KCTD8: variants seen among roughly 807,000 people sequenced by gnomAD.
KCTD8 encodes BTB/POZ domain-containing protein KCTD8.
Under a neutral mutation model 31.5 loss-of-function variants are expected in KCTD8, and 27 were observed. The ratio of observed to expected loss-of-function variants is 0.86; its 90% CI spans 0.63 to 1.18. The LOEUF is 1.18. Among genes scored for constraint, KCTD8 ranks in the 50% most tolerant of loss-of-function variants. The pLI, the probability that KCTD8 is intolerant of heterozygous loss-of-function variation, is 0.00. For missense variants in KCTD8, 658 were observed against 647.7 expected, an observed-to-expected ratio of 1.02 and a Z score of -0.17; for synonymous variants, 290 against 280.0, an observed-to-expected ratio of 1.04 and a Z score of -0.36.
Position 44,436,160 on chromosome 4 carries a change from TAGTCTTGCCTAAAAACAAAAG to T in KCTD8, c.961+11382_961+11402del, listed in dbSNP as rs1380301509. The stretch of plus-strand genomic sequence containing the variant: ...AAATTGGCACAGAATCACCTATAAA[TAGTCTTGCCTAAAAACAAAAG>T]AGTCTTGCCTAAAAACAAAAGAAGT... On this transcript the variant is annotated intron_variant, in intron 1 of 1. Transcript: ENST00000360029. Among the ~76,000 whole-genome samples, 6 of 152,206 alleles carry T rather than the reference TAGTCTTGCCTAAAAACAAAAG, an allele frequency of 3.9e-5. No individual in the cohort carries two copies. In the South Asian group the frequency reaches 1.2e-3, roughly 32 times the overall value.
intron 1 of KCTD8, among the ~76,000 whole-genome samples, chr4:44,283,462 T>C (rs1186297516): frequency 6.6e-6 from 1 of 152,150 alleles, no homozygotes; most frequent in Non-Finnish European, 1.5e-5. Flanking sequence ...GTTGACTCTC[T>C]TGTTAGGGTC....
chr4:44,439,365 G>A (rs1721759231), intron 1 of KCTD8, among the ~76,000 whole-genome samples: 2 of 152,018 alleles, frequency 1.3e-5, no homozygotes, highest in African/African-American at 4.8e-5. Flanking sequence ...TAAAAGCAGG[G>A]TTTAATGAGA....
chr4:44,394,572 C>T (rs2109452269), intron 1 of KCTD8, among the ~76,000 whole-genome samples: 1 of 152,118 alleles, frequency 6.6e-6, no homozygotes, highest in African/African-American at 2.4e-5. Context: ...TATTTTGATT[C>T]CTTAAGATCA....
intron 1 of KCTD8, among the ~76,000 whole-genome samples, chr4:44,206,001 A>G (rs1248964501): frequency 6.6e-6 from 1 of 152,202 alleles, no homozygotes; most frequent in Non-Finnish European, 1.5e-5. Context: ...AAAGGCTGAA[A>G]AGAAACACAT....
chr4:44,189,722 T>C (rs1713705086), intron 1 of KCTD8, among the ~76,000 whole-genome samples: 1 of 152,136 alleles, frequency 6.6e-6, no homozygotes, highest in Non-Finnish European at 1.5e-5. Context: ...ACCTGATCAT[T>C]CCTTGTCATT....
intron 1 of KCTD8, among the ~76,000 whole-genome samples, chr4:44,422,130 C>T (rs775958976): frequency 6.6e-6 from 1 of 152,008 alleles, no homozygotes; most frequent in Non-Finnish European, 1.5e-5. Context: ...AAGATTTTGG[C>T]CCTCTTAGCT....
Position 44,216,333 on chromosome 4 carries a change from T to C in KCTD8, c.962-41083A>G, listed in dbSNP as rs897456131. ...TTAAATCGTATTGTGATATTATTACTAGGTTTTGCTGGGATTAAAAGATAA... is the reference window on the plus strand; with the variant it reads ...TTAAATCGTATTGTGATATTATTACCAGGTTTTGCTGGGATTAAAAGATAA... On this transcript the variant is annotated intron_variant, in intron 1 of 1. Transcript: ENST00000360029. Among the ~76,000 whole-genome samples the C allele has an allele frequency of 1.5e-4, 23 of 152,296 alleles. 1 individual carries two copies. The South Asian group carries it at 3.5e-3, about 23-fold the overall frequency.
chr4:44,405,410 T>C (rs1488031262), intron 1 of KCTD8, among the ~76,000 whole-genome samples: 3 of 151,928 alleles, frequency 2.0e-5, no homozygotes, highest in Non-Finnish European at 4.4e-5. Context: ...GGCACGTGCT[T>C]ACCACGCCCA....
intron 1 of KCTD8, among the ~76,000 whole-genome samples, chr4:44,392,004 AAAG>A (rs574521868): frequency 2.6e-5 from 4 of 152,094 alleles, no homozygotes; most frequent in African/African-American, 9.6e-5. Flanking sequence ...TACAAGCCTA[AAAG>A]AAGACTCTTA....
chr4:44,372,121 C>T (rs528543497), intron 1 of KCTD8, among the ~76,000 whole-genome samples: 2 of 152,250 alleles, frequency 1.3e-5, no homozygotes, highest in South Asian at 4.1e-4. Flanking sequence ...TATAATTATT[C>T]AGTCTTTTAA....
At chr4:44,447,432 G>T in intron 1 of KCTD8, 131 bp downstream of exon 1, 1 of 1,360,644 alleles carries the variant, frequency 7.3e-7, no homozygotes, top group Non-Finnish European at 9.5e-7. Context: ...CGTGCAGGGA[G>T]AGCCGCTCTC....
At chr4:44,306,157 G>T (rs566032472) in intron 1 of KCTD8, among the ~76,000 whole-genome samples, 4 of 151,796 alleles carry the variant, frequency 2.6e-5, no homozygotes, top group Non-Finnish European at 5.9e-5. Context: ...TGGAAGAAAT[G>T]AAATAATAAA....
intron 1 of KCTD8, among the ~76,000 whole-genome samples, chr4:44,267,421 A>G (rs1301263691): frequency 1.3e-5 from 2 of 152,202 alleles, no homozygotes; most frequent in South Asian, 2.1e-4. Context: ...TTATAGCACT[A>G]AATGCCCACA....
In KCTD8 at chr4:44,448,532, C is replaced by T. The variant is rs1307035353; in HGVS notation, c.-9G>A. 6.9e-7 allele frequency: 1 copy of T among 1,451,848 alleles called. No individual in the cohort carries two copies. Among genetic ancestry groups the T allele is most frequent in the Non-Finnish European group, 9.0e-7 (1 of 1,106,392 alleles). The allele number at this position is 1,451,848 out of a possible 1,614,324, so 89.9% of individuals were successfully genotyped here. A position where few individuals can be genotyped will look rare whatever the true frequency, so the allele number is the denominator to read the frequency against. Reference sequence around the variant, plus strand: ...GTGTCCTTCAGAGCCATAGTCCCCCCGCCGCCGGCCCAGTGACCCGAGAGA... The same window carrying T: ...GTGTCCTTCAGAGCCATAGTCCCCCTGCCGCCGGCCCAGTGACCCGAGAGA... On this transcript the variant is annotated 5_prime_UTR_variant, in exon 1 of 2. Coordinates refer to ENST00000360029, the MANE Select transcript of KCTD8 (RefSeq NM_198353.3). The surrounding 1 kb of genome is among the most constrained non-coding windows in gnomAD (Gnocchi z 4.1).
At chr4:44,267,892 C>T (rs1716439812) in intron 1 of KCTD8, among the ~76,000 whole-genome samples, 1 of 152,108 alleles carries the variant, frequency 6.6e-6, no homozygotes, top group South Asian at 2.1e-4. Flanking sequence ...TAAATTGTGG[C>T]AATTATCAAT....
At chr4:44,187,958 AAC>A (rs143071896) in intron 1 of KCTD8, among the ~76,000 whole-genome samples, 3,528 of 144,446 alleles carry the variant, frequency 0.024, 58 homozygotes, top group East Asian at 0.082. Context: ...GGAAGAGGTA[AAC>A]ACACACACAC....
chr4:44,378,461 AAAAT>A (rs753027689), intron 1 of KCTD8, among the ~76,000 whole-genome samples: 3 of 151,686 alleles, frequency 2.0e-5, no homozygotes, highest in Admixed American at 6.6e-5. Flanking sequence ...AAGTATGATA[AAAAT>A]AAATAAATAA....
intron 1 of KCTD8, among the ~76,000 whole-genome samples, chr4:44,273,111 A>G (rs929154581): frequency 6.6e-6 from 1 of 152,046 alleles, no homozygotes; most frequent in Non-Finnish European, 1.5e-5. Context: ...CTATTATATA[A>G]CAGCTAACTT....
At chr4:44,185,587 C>T (rs184574877) in intron 1 of KCTD8, among the ~76,000 whole-genome samples, 1 of 152,294 alleles carries the variant, frequency 6.6e-6, no homozygotes, top group African/African-American at 2.4e-5. Flanking sequence ...ATACTTGTTT[C>T]TGGTGAATGC....
Sources: gnomAD v4.1 joint callset for allele counts (sites outside exome capture counted in the v4.1 genomes callset) on GRCh38, gnomAD v4.1.1 for gene constraint, Gnocchi (gnomAD v3.1) non-coding constraint, MANE v1.5 for transcripts, NCBI Gene and HGNC (gene_info 2026-07-23, HGNC 2026-07-21) for gene names.